The following PCGF3 variants were observed in gnomAD, a reference collection of about 807,000 sequenced individuals.
PCGF3 encodes the protein polycomb group ring finger 3.
In PCGF3, 7 loss-of-function variants were observed where a neutral mutation model predicts 33.1. The observed-to-expected ratio is 0.21, with a 90% CI of 0.12 to 0.40. PCGF3 has a LOEUF of 0.40. Among genes scored for constraint, PCGF3 ranks in the 10% least tolerant of loss-of-function variants. PCGF3 has a pLI of 1.00. For missense variants in PCGF3, 211 were observed against 313.3 expected (o/e 0.67, Z 2.46); for synonymous variants, 153 against 121.3 (o/e 1.26, Z -1.72).
chr4:744,731 T>C lies in PCGF3; in HGVS notation c.462+43T>C. ...GTCGCTGCAGTGTTAGTGTTCGCCG[T>C]GGAGGCGTGAGCAGGTGGGCGGGGC... On this transcript the variant is annotated intron_variant, in intron 8 of 10. Coordinates refer to ENST00000362003, the Ensembl canonical transcript of PCGF3. 3.7e-6 allele frequency: 2 copies of C among 540,198 alleles called. 1 individual carries two copies. The highest frequency in any genetic ancestry group is 6.2e-6 in the Non-Finnish European group (2 of 322,680). The allele number at this position is 540,198 out of a possible 1,614,324, so 33.5% of individuals were successfully genotyped here. A position where few individuals can be genotyped will look rare whatever the true frequency, so the allele number is the denominator to read the frequency against.
chr4:707,467 C>T (rs111623827), intron 1 of PCGF3, among the ~76,000 whole-genome samples: 39,182 of 123,490 alleles, frequency 0.32, 6,127 homozygotes, highest in South Asian at 0.44. Flanking sequence ...CTGAGACAGC[C>T]CTGTTTTCCC....
chr4:733,663 C>T lies in PCGF3; in HGVS notation c.-9-9C>T. ...TTCAGGTGTTAATTAATCGCGTTTTCTCTTGTAGAAGCCAAAGATGTTGAC... is the reference window on the plus strand; with the variant it reads ...TTCAGGTGTTAATTAATCGCGTTTTTTCTTGTAGAAGCCAAAGATGTTGAC... On this transcript the variant is annotated splice_polypyrimidine_tract_variant and intron_variant, in intron 3 of 10. Coordinates refer to ENST00000362003, the Ensembl canonical transcript of PCGF3. 6.3e-7 allele frequency: 1 copy of T among 1,595,834 alleles called. No homozygotes were observed. The highest frequency in any genetic ancestry group is 8.5e-7 in the Non-Finnish European group (1 of 1,176,164).
chr4:710,409 A>T (rs1178209123), intron 1 of PCGF3, among the ~76,000 whole-genome samples: 3 of 152,204 alleles, frequency 2.0e-5, no homozygotes, highest in African/African-American at 7.2e-5. Flanking sequence ...TTCGGCCCCT[A>T]CACACTTGAG....
At chr4:753,942 C>T (rs569623422) in intron 8 of PCGF3, among the ~76,000 whole-genome samples, 1 of 152,330 alleles carries the variant, frequency 6.6e-6, no homozygotes, top group Non-Finnish European at 1.5e-5. Context: ...CTTCTACGAA[C>T]CCTACATTCA....
intron 6 of PCGF3, among the ~76,000 whole-genome samples, chr4:739,368 T>G (rs1468019373): frequency 6.6e-6 from 1 of 152,112 alleles, no homozygotes; most frequent in African/African-American, 2.4e-5. Flanking sequence ...CCTGGCTAAT[T>G]TTTTGTAGGG....
chr4:764,416 A>T (rs1406664468), intron 9 of PCGF3: 1 of 141,978 alleles, frequency 7.0e-6, no homozygotes, highest in Non-Finnish European at 1.5e-5. Flanking sequence ...CAGCCGTGGG[A>T]GGGGGCTGGT....
At chr4:723,586 G>A (rs1743206030) in intron 1 of PCGF3, 1 of 153,606 alleles carries the variant, frequency 6.5e-6, no homozygotes, top group Non-Finnish European at 1.4e-5. Flanking sequence ...TCCAGACGGT[G>A]CGGGGGCCCC....
At chr4:748,856 A>C (rs1251722672) in intron 8 of PCGF3, among the ~76,000 whole-genome samples, 1 of 152,042 alleles carries the variant, frequency 6.6e-6, no homozygotes, top group Non-Finnish European at 1.5e-5. Context: ...TTGTCCTTAC[A>C]GCAGTTCCCC....
chr4:744,661 C>T (rs781161188), exon 8 of PCGF3: 2 of 1,558,844 alleles, frequency 1.3e-6, no homozygotes, highest in East Asian at 4.8e-5. Context: ...CGGAGGAGGA[C>T]AACGACTACC....
Position 733,626 on chromosome 4 carries a change from G to A in PCGF3, c.-9-46G>A, listed in dbSNP as rs142491935. On this transcript the variant is annotated intron_variant, in intron 3 of 10. Coordinates refer to ENST00000362003, the Ensembl canonical transcript of PCGF3. ...GTCAGAGCTCAGCCAAGGATGAAAG[G>A]CATGGAAGAGTTTCAGGTGTTAATT... 1.3e-4 allele frequency: 210 copies of A among 1,558,416 alleles called. 3 individuals are homozygous for A. The African/African-American group carries it at 2.3e-3, about 17-fold the overall frequency.
intron 6 of PCGF3, among the ~76,000 whole-genome samples, chr4:739,731 G>A (rs1035024767): frequency 3.3e-5 from 5 of 152,338 alleles, no homozygotes; most frequent in Admixed American, 6.5e-5. Flanking sequence ...TCGTCTCCAC[G>A]TGTTAGTTGG....
intron 8 of PCGF3, among the ~76,000 whole-genome samples, chr4:760,567 A>C (rs1291038303): frequency 6.6e-6 from 1 of 152,240 alleles, no homozygotes; most frequent in South Asian, 2.1e-4. Context: ...TGTTTCAGTT[A>C]ACCCCCTGTC....
intron 3 of PCGF3, among the ~76,000 whole-genome samples, chr4:733,091 TCCGCCCCTGCCCCGTGCTGCC>T (rs1743676662): frequency 6.7e-6 from 1 of 149,158 alleles, no homozygotes; most frequent in African/African-American, 2.6e-5. Context: ...CCGTGCTGCC[TCCGCCCCTGCCCCGTGCTGCC>T]TCAGGCTCTG....
chr4:707,735 G>A (rs1324518808), intron 1 of PCGF3, among the ~76,000 whole-genome samples: 2 of 131,834 alleles, frequency 1.5e-5, no homozygotes, highest in Non-Finnish European at 3.2e-5. Flanking sequence ...TCACCTGGGG[G>A]CCGGGACCCT....
At chr4:763,728 C>T (rs1346364867) in intron 9 of PCGF3, among the ~76,000 whole-genome samples, 2 of 151,974 alleles carry the variant, frequency 1.3e-5, no homozygotes, top group African/African-American at 2.4e-5. Context: ...CACTGGAAAT[C>T]TCCTGCCCAC....
exon 11 of PCGF3, chr4:766,032 A>C: frequency 6.2e-7 from 1 of 1,614,028 alleles, no homozygotes; most frequent in South Asian, 1.1e-5. Flanking sequence ...TGTCTTCCAG[A>C]AGGCGCCGCT....
intron 8 of PCGF3, among the ~76,000 whole-genome samples, chr4:756,223 T>C (rs1229342785): frequency 6.8e-6 from 1 of 146,122 alleles, no homozygotes; most frequent in Non-Finnish European, 1.5e-5. Flanking sequence ...TGGCTTTTTT[T>C]TTTTTGAGAT....
intron 9 of PCGF3, among the ~76,000 whole-genome samples, chr4:763,681 C>G (rs567709382): frequency 2.0e-5 from 3 of 152,192 alleles, no homozygotes; most frequent in Non-Finnish European, 4.4e-5. Flanking sequence ...AACACACTCT[C>G]GGCAAACCAC....
intron 8 of PCGF3, among the ~76,000 whole-genome samples, chr4:760,979 C>G (rs527668340): frequency 6.6e-6 from 1 of 152,334 alleles, no homozygotes; most frequent in Non-Finnish European, 1.5e-5. Context: ...AGCTGGAGAC[C>G]AAGAACCCAG....
Sources: allele counts gnomAD v4.1 joint callset (sites outside exome capture counted in the v4.1 genomes callset), GRCh38; gene constraint gnomAD v4.1.1; transcripts MANE v1.5; gene names NCBI Gene and HGNC (gene_info 2026-07-23, HGNC 2026-07-21).